RGS12: variants seen among roughly 807,000 people sequenced by gnomAD.
RGS12 encodes regulator of G protein signaling 12, also known as regulator of G-protein signaling 12.
Under a neutral mutation model 120.1 loss-of-function variants are expected in RGS12, and 66 were observed. The ratio of observed to expected loss-of-function variants is 0.55; its 90% CI spans 0.45 to 0.67. RGS12 has a LOEUF of 0.67. RGS12 is among the 30% of genes least tolerant of loss of function. The probability of loss-of-function intolerance (pLI) is 0.00; values close to 1 mark genes in which losing one functional copy is unlikely to be tolerated. For missense variants in RGS12, 1,859 were observed against 1,957.7 expected (o/e 0.95, Z 0.95); for synonymous variants, 827 against 804.7 (o/e 1.03, Z -0.47).
intron 2 of RGS12, among the ~76,000 whole-genome samples, chr4:3,327,292 C>T (rs547981928): frequency 1.3e-5 from 2 of 152,292 alleles, no homozygotes; most frequent in South Asian, 2.1e-4. Context: ...ACAAAATCAA[C>T]TCAAGCTGGA....
intron 1 of RGS12, among the ~76,000 whole-genome samples, chr4:3,297,726 C>A (rs1329604836): frequency 6.6e-6 from 1 of 152,194 alleles, no homozygotes; most frequent in Non-Finnish European, 1.5e-5. Context: ...GAGCCTTCTC[C>A]CTGCTCTCGT....
Position 3,433,877 on chromosome 4 carries a change from C to T in RGS12, c.4114+2922C>T, listed in dbSNP as rs566772882. Among the ~76,000 whole-genome samples the T allele has an allele frequency of 6.6e-5, 10 of 152,256 alleles. No individual in the cohort carries two copies. Among genetic ancestry groups the T allele is most frequent in the Non-Finnish European group, 1.3e-4 (9 of 68,032 alleles). ...TCCCGGGAGGCATGTGGGTGGGTCTCCTTTCCCTTTGGCCACTTGCTGCCA... is the reference window on the plus strand; with the variant it reads ...TCCCGGGAGGCATGTGGGTGGGTCTTCTTTCCCTTTGGCCACTTGCTGCCA... On this transcript the variant is annotated intron_variant, in intron 17 of 17. Coordinates refer to ENST00000336727, the MANE Select transcript of RGS12 (RefSeq NM_001394154.1). The surrounding 1 kb of genome is among the most constrained non-coding windows in gnomAD (Gnocchi z 4.4).
chr4:3,417,584 G>T (rs1668347087), intron 9 of RGS12, 43 bp downstream of exon 9: 1 of 1,597,566 alleles, frequency 6.3e-7, no homozygotes. Context: ...AGGCCAGGCA[G>T]CCGCGTCCCC....
the RGS12 span, among the ~76,000 whole-genome samples, chr4:3,286,076 G>C: frequency 6.6e-6 from 1 of 152,262 alleles, no homozygotes; most frequent in African/African-American, 2.4e-5. Context: ...GATGCCTGAG[G>C]TGAGCAAGGC....
In RGS12 at chr4:3,422,389, G is replaced by A. The variant is rs534761717; in HGVS notation, c.2852G>A (p.Arg951Lys). 6.2e-7 allele frequency: 1 copy of A among 1,612,052 alleles called. No individual in the cohort carries two copies. Among genetic ancestry groups the A allele is most frequent in the Admixed American group, 1.7e-5 (1 of 59,954 alleles). Reference protein sequence around the residue: ...AGSLDLSEACRTLAPEKDKAT... With the variant: ...AGSLDLSEACKTLAPEKDKAT... ...GCTGCTCCCCAGTCGGAGGCCTGCA[G>A]GACTTTGGCACCCGAGAAGGACAAG... The change falls in exon 11 of 18, where the codon AGG becomes AAG. Residue 951 changes from arginine (R) to lysine (K), a missense_variant. Arg to Lys is a conservative substitution (Grantham distance 26). Coordinates refer to ENST00000336727, the MANE Select transcript of RGS12 (RefSeq NM_001394154.1).
At chr4:3,327,744 C>G (rs964775038) in intron 2 of RGS12, among the ~76,000 whole-genome samples, 1 of 152,120 alleles carries the variant, frequency 6.6e-6, no homozygotes, top group Non-Finnish European at 1.5e-5. Flanking sequence ...CTCACTCAAA[C>G]AATAACAGAT....
intron 3 of RGS12, among the ~76,000 whole-genome samples, chr4:3,345,924 A>C (rs1713742252): frequency 6.6e-6 from 1 of 152,024 alleles, no homozygotes. Flanking sequence ...GTGTGTGTGT[A>C]CTTTTTCCTT....
At position 3,352,025 on chromosome 4, in the gene RGS12, A is replaced by C. The variant is rs189868583; in HGVS notation, c.1998+8972A>C. Among the ~76,000 whole-genome samples, 120 of 152,304 alleles carry C rather than the reference A, an allele frequency of 7.9e-4. 2 individuals carry two copies. The highest frequency in any genetic ancestry group is 2.9e-3 in the South Asian group (14 of 4,826). On this transcript the variant is annotated intron_variant, in intron 3 of 17. Coordinates refer to ENST00000336727, the MANE Select transcript of RGS12 (RefSeq NM_001394154.1). The stretch of plus-strand genomic sequence containing the variant: ...AGCCAAATCATATACAGATGTGTGT[A>C]AGCAAATCAAAATAAAACAAAAAAT...
intron 3 of RGS12, among the ~76,000 whole-genome samples, chr4:3,368,479 G>A (rs965175307): frequency 7.6e-6 from 1 of 131,532 alleles, no homozygotes; most frequent in Non-Finnish European, 1.6e-5. Flanking sequence ...GGGGGTGCCT[G>A]TGTGTGAGGT....
intron 4 of RGS12, among the ~76,000 whole-genome samples, chr4:3,399,285 G>GA (rs1315259492): frequency 3.9e-5 from 6 of 152,094 alleles, no homozygotes; most frequent in Admixed American, 3.9e-4. Flanking sequence ...TATCAAAATA[G>GA]AAAAAACCAA....
chr4:3,327,211 A>G (rs1165014770), intron 2 of RGS12, among the ~76,000 whole-genome samples: 1 of 152,244 alleles, frequency 6.6e-6, no homozygotes, highest in Non-Finnish European at 1.5e-5. Context: ...ATCCTTTTCA[A>G]TAAATGGTAC....
At position 3,318,002 on chromosome 4, in the gene RGS12, G is replaced by A; in HGVS notation, c.1832G>A (p.Ser611Asn). The change falls in exon 2 of 18, where the codon AGC (serine) becomes AAC (asparagine). Residue 611 changes from serine (S) to asparagine (N), a missense_variant. Ser to Asn is a conservative substitution (Grantham distance 46). This residue lies in a region of RGS12 where 967 missense variants were observed against 994.2 expected (regional missense o/e 0.97). Coordinates refer to ENST00000336727, the MANE Select transcript of RGS12 (RefSeq NM_001394154.1). ...TCCAGGAAGGCCTTTGGAATGCAAA[G>A]CATTTTTGGTCCCCATCGAAATGTT... is the stretch of plus-strand genomic sequence containing the variant. ...EWSRKAFGMQ[S>N]IFGPHRNVRK... The A allele has an allele frequency of 1.2e-6, 2 of 1,611,970 alleles. No individual in the cohort carries two copies. Among genetic ancestry groups the A allele is most frequent in the Non-Finnish European group, 1.7e-6 (2 of 1,179,124 alleles).
rs574024565 is a variant in RGS12 at position 3,432,676 on chromosome 4, G to A, written c.4114+1721G>A. ...TGTGGCAGGAGGGTGGGTGGTACCG[G>A]CCTTGGGAGGAGCAGGTCCCCCTGC... is the stretch of plus-strand genomic sequence containing the variant. On this transcript the variant is annotated intron_variant, in intron 17 of 17. Coordinates refer to ENST00000336727, the MANE Select transcript of RGS12 (RefSeq NM_001394154.1). Among the ~76,000 whole-genome samples, 4 of 152,374 alleles carry A rather than the reference G, an allele frequency of 2.6e-5. No homozygotes were observed. The South Asian group carries it at 8.3e-4, about 32-fold the overall frequency.
intron 1 of RGS12, among the ~76,000 whole-genome samples, chr4:3,298,355 A>G (rs1723491351): frequency 6.7e-6 from 1 of 150,146 alleles, no homozygotes; most frequent in African/African-American, 2.5e-5. Flanking sequence ...ATGTTTGTTC[A>G]ATTTTTTTTT....
intron 3 of RGS12, among the ~76,000 whole-genome samples, chr4:3,380,780 C>G (rs546397224): frequency 6.6e-6 from 1 of 152,286 alleles, no homozygotes; most frequent in African/African-American, 2.4e-5. Context: ...GGCCTTGGGT[C>G]CAGCCCAGGA....
intron 2 of RGS12, among the ~76,000 whole-genome samples, chr4:3,340,760 G>C (rs1712981008): frequency 7.0e-6 from 1 of 142,536 alleles, no homozygotes; most frequent in African/African-American, 2.7e-5. Flanking sequence ...GCAGGTGCAG[G>C]CAGGTGCAGG....
intron 3 of RGS12, among the ~76,000 whole-genome samples, chr4:3,357,542 A>G (rs145039426): frequency 1.4e-4 from 21 of 152,220 alleles, no homozygotes; most frequent in African/African-American, 5.1e-4. Context: ...TAATTTTTGT[A>G]TATGGTGTTA....
chr4:3,295,134 G>T (rs1252860989), intron 1 of RGS12, among the ~76,000 whole-genome samples: 1 of 152,180 alleles, frequency 6.6e-6, no homozygotes, highest in Non-Finnish European at 1.5e-5. Context: ...CTGGGACTCA[G>T]TGAGGTCCTG....
intron 2 of RGS12, among the ~76,000 whole-genome samples, chr4:3,326,135 A>C (rs1054184919): frequency 6.6e-6 from 1 of 152,098 alleles, no homozygotes; most frequent in Non-Finnish European, 1.5e-5. Flanking sequence ...CACTCTCATC[A>C]CTCCTATTCA....
Sources: gnomAD v4.1 joint callset for allele counts (sites outside exome capture counted in the v4.1 genomes callset) on GRCh38, gnomAD v4.1.1 for gene constraint, gnomAD v4.1.1 regional missense constraint, Gnocchi (gnomAD v3.1) non-coding constraint, MANE v1.5 for transcripts, NCBI Gene and HGNC (gene_info 2026-07-23, HGNC 2026-07-21) for gene names.